RNGTT: variants seen among roughly 807,000 people sequenced by gnomAD.
RNGTT encodes the protein mRNA-capping enzyme.
RNGTT carries 33 observed loss-of-function variants against 79.3 expected under a neutral mutation model. The observed-to-expected ratio is 0.42, with a 90% confidence interval of 0.32 to 0.56. The LOEUF is 0.56. Ranked by LOEUF, RNGTT falls within the 20% of genes least tolerant of loss-of-function variation. The pLI is 0.17. For missense variants in RNGTT, 497 were observed against 739.1 expected (o/e 0.67, Z 3.80); for synonymous variants, 222 against 235.9 (o/e 0.94, Z 0.54).
intron 1 of RNGTT, among the ~76,000 whole-genome samples, chr6:88,942,959 C>G (rs1299416673): frequency 6.6e-6 from 1 of 152,150 alleles, no homozygotes; most frequent in East Asian, 1.9e-4. Flanking sequence ...CCTTCTAGCT[C>G]TCTGGCCTCT....
intron 8 of RNGTT, among the ~76,000 whole-genome samples, chr6:88,890,274 C>G (rs997482872): frequency 7.2e-5 from 11 of 152,120 alleles, no homozygotes; most frequent in African/African-American, 2.4e-4. Flanking sequence ...TTATGTTAAA[C>G]TAGCTAAGCT....
At chr6:88,701,476 T>C (rs1032782536) in intron 13 of RNGTT, among the ~76,000 whole-genome samples, 2 of 152,096 alleles carry the variant, frequency 1.3e-5, no homozygotes, top group African/African-American at 4.8e-5. Context: ...ATAGCATATA[T>C]TAGTAAGCAT....
At chr6:88,656,673 A>AG (rs1773989216) in intron 14 of RNGTT, among the ~76,000 whole-genome samples, 1 of 152,050 alleles carries the variant, frequency 6.6e-6, no homozygotes, top group African/African-American at 2.4e-5. Flanking sequence ...GGATTTTGAA[A>AG]GGGGTCAGTC....
intron 14 of RNGTT, among the ~76,000 whole-genome samples, chr6:88,639,226 A>G: frequency 6.6e-6 from 1 of 152,110 alleles, no homozygotes; most frequent in Admixed American, 6.6e-5. Context: ...AAAGGCCTTA[A>G]GCAGTTACGA....
chr6:88,785,223 T>C (rs1779189164), intron 12 of RNGTT, among the ~76,000 whole-genome samples: 1 of 152,106 alleles, frequency 6.6e-6, no homozygotes, highest in South Asian at 2.1e-4. Flanking sequence ...TCACCGCTTC[T>C]TTCATTTTTG....
intron 13 of RNGTT, among the ~76,000 whole-genome samples, chr6:88,682,687 A>G (rs924953181): frequency 6.6e-6 from 1 of 152,266 alleles, no homozygotes; most frequent in East Asian, 1.9e-4. Context: ...TGCAAAGATC[A>G]TCCCATCACC....
intron 9 of RNGTT, among the ~76,000 whole-genome samples, chr6:88,851,289 T>C (rs1781664564): frequency 6.6e-6 from 1 of 151,888 alleles, no homozygotes; most frequent in South Asian, 2.1e-4. Context: ...ATGTCAGCTA[T>C]ATACATATTG....
chr6:88,678,834 T>C lies in RNGTT; in HGVS notation c.1440-415A>G, dbSNP rs531878621. 7.2e-5 allele frequency among the ~76,000 whole-genome samples: 11 copies of C among 152,188 alleles called. No homozygotes were observed. The South Asian group carries it at 1.7e-3, about 23-fold the overall frequency. On this transcript the variant is annotated intron_variant, in intron 13 of 15. Transcript: ENST00000369485. ...TCAGTAAAATGTTGAGAATGAAAAA[T>C]GTAGAACACTCTAATATATTAGTAA... is the stretch of plus-strand genomic sequence containing the variant.
chr6:88,950,823 T>C (rs1220887407), intron 1 of RNGTT, among the ~76,000 whole-genome samples: 4 of 151,566 alleles, frequency 2.6e-5, no homozygotes, highest in Non-Finnish European at 5.9e-5. Flanking sequence ...CACAGTGAGA[T>C]ACTGTCTCAA....
At chr6:88,791,590 A>G (rs1175308536) in intron 12 of RNGTT, among the ~76,000 whole-genome samples, 2 of 151,980 alleles carry the variant, frequency 1.3e-5, no homozygotes, top group East Asian at 1.9e-4. Context: ...CCCAGGCTGG[A>G]GTGCAGTGGC....
chr6:88,670,162 G>A (rs989463497), intron 14 of RNGTT, among the ~76,000 whole-genome samples: 24 of 152,210 alleles, frequency 1.6e-4, no homozygotes, highest in Admixed American at 3.9e-4. Flanking sequence ...CCAAGTAGTC[G>A]AAAACATCGT....
chr6:88,877,531 C>T (rs929902112), intron 8 of RNGTT, among the ~76,000 whole-genome samples: 2 of 151,978 alleles, frequency 1.3e-5, no homozygotes, highest in African/African-American at 2.4e-5. Flanking sequence ...ATGATGGTAG[C>T]GCAACTGGAA....
chr6:88,936,937 T>C (rs945575156), intron 2 of RNGTT, among the ~76,000 whole-genome samples: 3 of 152,220 alleles, frequency 2.0e-5, no homozygotes, highest in East Asian at 3.9e-4. Flanking sequence ...CTACCTGTTA[T>C]TGGTCTGCTC....
At chr6:88,690,809 C>T (rs1315425810) in intron 13 of RNGTT, among the ~76,000 whole-genome samples, 1 of 152,116 alleles carries the variant, frequency 6.6e-6, no homozygotes, top group Admixed American at 6.6e-5. Flanking sequence ...ACATTATCTC[C>T]TAAGTTGAAC....
intron 13 of RNGTT, among the ~76,000 whole-genome samples, chr6:88,753,066 C>T (rs1369766948): frequency 6.6e-6 from 1 of 151,762 alleles, no homozygotes; most frequent in Non-Finnish European, 1.5e-5. Flanking sequence ...AAAAACAAAT[C>T]AGTGAAAGCT....
chr6:88,771,857 G>GA (rs1778694431), intron 12 of RNGTT, among the ~76,000 whole-genome samples: 1 of 151,396 alleles, frequency 6.6e-6, no homozygotes, highest in Non-Finnish European at 1.5e-5. Context: ...AAAATCAAAA[G>GA]AAAAAAAAGG....
chr6:88,702,474 C>T (rs772197142), intron 13 of RNGTT, among the ~76,000 whole-genome samples: 4 of 152,014 alleles, frequency 2.6e-5, no homozygotes, highest in South Asian at 4.1e-4. Context: ...ACTCCCTATT[C>T]AATATATTGT....
At chr6:88,637,212 G>T (rs1283010835) in intron 14 of RNGTT, among the ~76,000 whole-genome samples, 1 of 151,948 alleles carries the variant, frequency 6.6e-6, no homozygotes, top group East Asian at 1.9e-4. Flanking sequence ...ATAAACAGAA[G>T]AATTTTCTTC....
At chr6:88,739,803 A>T (rs1777423273) in intron 13 of RNGTT, among the ~76,000 whole-genome samples, 1 of 119,662 alleles carries the variant, frequency 8.4e-6, no homozygotes, top group African/African-American at 3.0e-5. Context: ...CATTTATCTA[A>T]ACTAACATTG....
Sources: allele counts gnomAD v4.1 joint callset (sites outside exome capture counted in the v4.1 genomes callset), GRCh38; gene constraint gnomAD v4.1.1; transcripts MANE v1.5; gene names NCBI Gene and HGNC (gene_info 2026-07-23, HGNC 2026-07-21).